Variants in ATP6V1H observed in about 807,000 individuals in gnomAD.
ATP6V1H encodes ATPase H+ transporting V1 subunit H, also known as V-type proton ATPase subunit H.
A neutral mutation model predicts 71.7 loss-of-function variants in ATP6V1H; 39 were observed. The observed-to-expected ratio is 0.54, with a 90% confidence interval of 0.42 to 0.71. ATP6V1H has a LOEUF of 0.71. ATP6V1H is among the 30% of genes least tolerant of loss of function. The pLI is 0.00. For synonymous variants in ATP6V1H, 192 were observed against 199.3 expected (o/e 0.96, Z 0.31); for missense variants, 509 against 594.9 (o/e 0.86, Z 1.50).
At chr8:53,825,478 C>A (rs531537332) in intron 4 of ATP6V1H, among the ~76,000 whole-genome samples, 1 of 151,222 alleles carries the variant, frequency 6.6e-6, no homozygotes, top group South Asian at 2.1e-4. Context: ...TAGGTAAATA[C>A]TGGGGGAAAA....
At chr8:53,808,008 T>C (rs942580089) in intron 7 of ATP6V1H, among the ~76,000 whole-genome samples, 1 of 152,126 alleles carries the variant, frequency 6.6e-6, no homozygotes. Context: ...AGAGGCAAGA[T>C]GAAACAAGCA....
chr8:53,755,931 G>A (rs1437753078), intron 12 of ATP6V1H, among the ~76,000 whole-genome samples: 2 of 130,426 alleles, frequency 1.5e-5, no homozygotes, highest in Non-Finnish European at 3.3e-5. Context: ...CTAATTTTTT[G>A]TATTTTTAGT....
At chr8:53,759,507 T>C (rs1408591675) in intron 11 of ATP6V1H, among the ~76,000 whole-genome samples, 1 of 152,224 alleles carries the variant, frequency 6.6e-6, no homozygotes, top group Non-Finnish European at 1.5e-5. Context: ...TATCAAATAG[T>C]CCAATGGATC....
At chr8:53,776,953 G>T (rs1808911765) in intron 9 of ATP6V1H, among the ~76,000 whole-genome samples, 1 of 152,158 alleles carries the variant, frequency 6.6e-6, no homozygotes, top group African/African-American at 2.4e-5. Flanking sequence ...GACTGGAGAT[G>T]ACAAAGGAGT....
intron 13 of ATP6V1H, among the ~76,000 whole-genome samples, chr8:53,729,212 T>C (rs1210457432): frequency 6.6e-6 from 1 of 152,160 alleles, no homozygotes; most frequent in African/African-American, 2.4e-5. Context: ...TTTTAAGTTA[T>C]ACTTTTTGTC....
At chr8:53,781,984 A>G (rs1809154246) in intron 9 of ATP6V1H, among the ~76,000 whole-genome samples, 1 of 152,246 alleles carries the variant, frequency 6.6e-6, no homozygotes. Flanking sequence ...TGATGCCTCC[A>G]GCTTTGTTCT....
At chr8:53,818,030 A>C (rs1311888109) in intron 4 of ATP6V1H, among the ~76,000 whole-genome samples, 1 of 152,230 alleles carries the variant, frequency 6.6e-6, no homozygotes, top group East Asian at 1.9e-4. Context: ...TGGGATAAAG[A>C]CAGCAGAAAA....
At chr8:53,824,497 A>G (rs1391545370) in intron 4 of ATP6V1H, among the ~76,000 whole-genome samples, 1 of 152,192 alleles carries the variant, frequency 6.6e-6, no homozygotes, top group Non-Finnish European at 1.5e-5. Context: ...AGAATTCAAT[A>G]TCATATCAAG....
intron 4 of ATP6V1H, among the ~76,000 whole-genome samples, chr8:53,823,522 G>C (rs559888260): frequency 7.6e-4 from 115 of 152,274 alleles, no homozygotes; most frequent in Non-Finnish European, 1.5e-3. Context: ...TTTCTGCCCA[G>C]GCTGCAGTGC....
At chr8:53,823,435 CT>C (rs1365515737) in intron 4 of ATP6V1H, among the ~76,000 whole-genome samples, 1 of 152,014 alleles carries the variant, frequency 6.6e-6, no homozygotes, top group Non-Finnish European at 1.5e-5. Flanking sequence ...GAAGGATATA[CT>C]TTAAGCAGTA....
intron 7 of ATP6V1H, among the ~76,000 whole-genome samples, chr8:53,808,369 TCAGA>T (rs1563476331): frequency 6.6e-6 from 1 of 152,228 alleles, no homozygotes; most frequent in Admixed American, 6.5e-5. Flanking sequence ...AGTAAACAAC[TCAGA>T]CAGTCTAAAG....
Position 53,769,667 on chromosome 8 carries a change from A to C in ATP6V1H, c.1126T>G (p.Trp376Gly). 6.2e-7 allele frequency: 1 copy of C among 1,613,312 alleles called. No individual in the cohort carries two copies. The highest frequency in any genetic ancestry group is 1.3e-5 in the African/African-American group (1 of 75,018). ...WSPVHKSEKF[W>G]RENAVRLNEK... ...TTTAACCTCACAGCATTCTCTCTCC[A>C]AAATTTCTCAGATTTGTGCACAGGA... The change falls in exon 11 of 14, where the codon TGG (tryptophan) becomes GGG (glycine). Residue 376 changes from tryptophan (W) to glycine (G), a missense_variant. Physicochemically the swap from Trp to Gly is radical, Grantham distance 184. This residue lies in a region of ATP6V1H where 212 missense variants were observed against 291.6 expected (regional missense o/e 0.73). Coordinates refer to ENST00000359530, the MANE Select transcript of ATP6V1H (RefSeq NM_015941.4).
At chr8:53,820,845 G>T (rs1018338663) in intron 4 of ATP6V1H, among the ~76,000 whole-genome samples, 3 of 151,732 alleles carry the variant, frequency 2.0e-5, no homozygotes, top group African/African-American at 7.3e-5. Flanking sequence ...AGCCAGGCGT[G>T]GTAGCACACG....
chr8:53,789,564 C>A (rs1208101292), intron 9 of ATP6V1H, among the ~76,000 whole-genome samples: 1 of 152,020 alleles, frequency 6.6e-6, no homozygotes, highest in Non-Finnish European at 1.5e-5. Flanking sequence ...CCTTTAAAAG[C>A]CATGTAGTCT....
At chr8:53,724,385 C>T (rs1162047724) in intron 13 of ATP6V1H, among the ~76,000 whole-genome samples, 4 of 152,050 alleles carry the variant, frequency 2.6e-5, no homozygotes, top group African/African-American at 9.7e-5. Flanking sequence ...TATCCTTTTT[C>T]TCTCCTTCTT....
chr8:53,756,069 C>CTTTTTT (rs199967847), intron 12 of ATP6V1H, among the ~76,000 whole-genome samples: 20 of 96,542 alleles, frequency 2.1e-4, no homozygotes, highest in Non-Finnish European at 2.8e-4. Context: ...TTTTTCTTTT[C>CTTTTTT]TTTTTTTTTT....
intron 11 of ATP6V1H, among the ~76,000 whole-genome samples, chr8:53,759,633 T>A (rs560173970): frequency 3.4e-4 from 52 of 152,368 alleles, no homozygotes; most frequent in Non-Finnish European, 7.2e-4. Context: ...ATTTACATTA[T>A]TATTCTAATT....
At chr8:53,763,541 T>G (rs1030792441) in intron 11 of ATP6V1H, among the ~76,000 whole-genome samples, 5 of 152,206 alleles carry the variant, frequency 3.3e-5, no homozygotes, top group African/African-American at 1.2e-4. Flanking sequence ...TAGTCCAAAC[T>G]GGGTTCCTTG....
chr8:53,831,428 C>G (rs1158040183), intron 3 of ATP6V1H, among the ~76,000 whole-genome samples: 1 of 152,188 alleles, frequency 6.6e-6, no homozygotes, highest in Non-Finnish European at 1.5e-5. Context: ...TACAAGACCG[C>G]TATTACATAC....
Sources: allele counts gnomAD v4.1 joint callset (sites outside exome capture counted in the v4.1 genomes callset), GRCh38; gene constraint gnomAD v4.1.1; regional missense constraint gnomAD v4.1.1; transcripts MANE v1.5; gene names NCBI Gene and HGNC (gene_info 2026-07-23, HGNC 2026-07-21).